Variants in C5orf34 observed in about 807,000 individuals in gnomAD.
C5orf34 encodes the protein uncharacterized protein C5orf34.
C5orf34 carries 73 observed loss-of-function variants against 78.4 expected under a neutral mutation model. The observed-to-expected ratio is 0.93, with a 90% CI of 0.77 to 1.13. The LOEUF is 1.13. C5orf34 is among the 50% of genes most tolerant of loss of function. The pLI, the probability that C5orf34 is intolerant of heterozygous loss-of-function variation, is 0.00. For synonymous variants in C5orf34, 251 were observed against 246.6 expected (o/e 1.02, Z -0.17); for missense variants, 730 against 732.7 (o/e 1.00, Z 0.04).
intron 12 of C5orf34, 42 bp from the exon 13 acceptor site, chr5:43,487,153 T>TA: frequency 1.0e-6 from 1 of 960,848 alleles, no homozygotes; most frequent in Non-Finnish European, 1.5e-6. Context: ...CATTTTTCAC[T>TA]ATATAAATAT....
intron 3 of C5orf34, among the ~76,000 whole-genome samples, chr5:43,507,904 C>T (rs1407456529): frequency 6.6e-6 from 1 of 151,966 alleles, no homozygotes; most frequent in African/African-American, 2.4e-5. Context: ...TGATGAAACC[C>T]CGTCTCTACT....
At chr5:43,495,897 C>G (rs1219213136) in intron 6 of C5orf34, 1 of 1,592,662 alleles carries the variant, frequency 6.3e-7, no homozygotes, top group African/African-American at 1.3e-5. Flanking sequence ...ACAAATGCTA[C>G]TGTGTCAGGG....
Position 43,505,967 on chromosome 5 carries a change from AC to A in C5orf34, c.712del (p.Val238SerfsTer20), listed in dbSNP as rs762451652. The A allele has an allele frequency of 1.2e-6, 2 of 1,614,100 alleles. No homozygotes were observed. Among genetic ancestry groups the A allele is most frequent in the South Asian group, 2.2e-5 (2 of 91,072 alleles). On this transcript the variant is annotated frameshift_variant, in exon 4 of 13. Coordinates refer to ENST00000306862, the MANE Select transcript of C5orf34 (RefSeq NM_198566.4). LOFTEE classifies it high-confidence loss of function. ...GGCAGCCACAGACCAGCACTGCTTG[AC>A]CCATGTGTATACACATGTGTGCTTT... ...GTKHTCVYTWVKQCWSVAACP... is the reference protein window; with the variant it reads ...GTKHTCVYTWXKQCWSVAACP...
intron 1 of C5orf34, among the ~76,000 whole-genome samples, chr5:43,510,585 CG>C (rs1232085186): frequency 1.3e-5 from 2 of 152,218 alleles, no homozygotes; most frequent in Non-Finnish European, 2.9e-5. Flanking sequence ...TGATTGCAGG[CG>C]CGCGCTGCCA....
intron 12 of C5orf34, among the ~76,000 whole-genome samples, chr5:43,487,685 G>A (rs982743285): frequency 2.0e-5 from 3 of 152,016 alleles, no homozygotes; most frequent in African/African-American, 7.2e-5. Flanking sequence ...CTAATTAACT[G>A]TTCTTTGCCC....
At chr5:43,494,862 A>G (rs1745432470) in intron 6 of C5orf34, among the ~76,000 whole-genome samples, 1 of 152,156 alleles carries the variant, frequency 6.6e-6, no homozygotes, top group African/African-American at 2.4e-5. Context: ...TACTGATTTT[A>G]AAAACTAATA....
chr5:43,503,517 T>C (rs1004606918), intron 5 of C5orf34, 148 bp downstream of exon 5: 15 of 711,146 alleles, frequency 2.1e-5, no homozygotes, highest in Admixed American at 4.7e-5. Flanking sequence ...TTGAGACCTG[T>C]AAAACTCAGG....
At chr5:43,510,773 C>T (rs944353794) in intron 1 of C5orf34, among the ~76,000 whole-genome samples, 26 of 152,204 alleles carry the variant, frequency 1.7e-4, no homozygotes, top group Non-Finnish European at 3.4e-4. Context: ...AGTGCAGTGG[C>T]GTGATCTCGG....
chr5:43,497,357 T>A (rs1389739236), intron 6 of C5orf34, among the ~76,000 whole-genome samples: 1 of 152,256 alleles, frequency 6.6e-6, no homozygotes, highest in Non-Finnish European at 1.5e-5. Flanking sequence ...TCACTTTACA[T>A]GGATTATCTC....
At chr5:43,497,600 T>G (rs937789535) in intron 6 of C5orf34, among the ~76,000 whole-genome samples, 1 of 152,184 alleles carries the variant, frequency 6.6e-6, no homozygotes, top group African/African-American at 2.4e-5. Flanking sequence ...TACAACCTTT[T>G]GTAAGCCTCA....
chr5:43,502,907 G>C (rs1745823797), intron 5 of C5orf34, among the ~76,000 whole-genome samples: 1 of 152,200 alleles, frequency 6.6e-6, no homozygotes, highest in South Asian at 2.1e-4. Context: ...GATAAGATTA[G>C]CCGTCTGCAC....
intron 12 of C5orf34, 79 bp downstream of exon 12, chr5:43,487,830 C>A: frequency 9.4e-7 from 1 of 1,062,452 alleles, no homozygotes; most frequent in South Asian, 1.4e-5. Context: ...TTAATATTCA[C>A]AAAGTACTGA....
intron 12 of C5orf34, among the ~76,000 whole-genome samples, chr5:43,487,477 T>C (rs1487210623): frequency 1.3e-5 from 2 of 152,146 alleles, no homozygotes; most frequent in African/African-American, 4.8e-5. Context: ...TAAAAAGATT[T>C]AGAGTGAAAA....
rs368045568 is a variant in C5orf34, at chr5:43,505,899, A to G, written c.781T>C (p.Phe261Leu). ...GACATATTGCTGATTTTATTATGAA[A>G]ATGAAGTGCTAAAGACAAAGGATAT... ...WKYPLSLALH[F>L]HNKISNMSKI... Residue 261 changes from phenylalanine (F) to leucine (L), a missense_variant, in exon 4 of 13, where the codon TTT becomes CTT. By Grantham distance (22) the Phe-to-Leu change is conservative. Coordinates refer to ENST00000306862, the MANE Select transcript of C5orf34 (RefSeq NM_198566.4). 1 of 1,613,992 alleles carries G rather than the reference A, an allele frequency of 6.2e-7. No homozygotes were observed. Among genetic ancestry groups the G allele is most frequent in the Non-Finnish European group, 8.5e-7 (1 of 1,179,874 alleles).
chr5:43,497,350 C>T (rs1745576000), intron 6 of C5orf34, among the ~76,000 whole-genome samples: 1 of 152,194 alleles, frequency 6.6e-6, no homozygotes, highest in African/African-American at 2.4e-5. Context: ...ATCCTACTCA[C>T]TTTACATGGA....
chr5:43,508,991 T>C (rs1746106886), intron 2 of C5orf34, among the ~76,000 whole-genome samples, 154 bp downstream of exon 2: 2 of 152,104 alleles, frequency 1.3e-5, no homozygotes, highest in Admixed American at 1.3e-4. Flanking sequence ...AGTAACTCCC[T>C]TGTAAAAGGA....
chr5:43,495,789 T>C, intron 6 of C5orf34: 2 of 1,576,776 alleles, frequency 1.3e-6, no homozygotes, highest in Non-Finnish European at 1.7e-6. Flanking sequence ...ATGGTGCCGC[T>C]GGCACTGCCA....
chr5:43,503,725 G>C lies in C5orf34; in HGVS notation c.968C>G (p.Ser323Cys). The change falls in exon 5 of 13, where the codon TCT becomes TGT. Residue 323 changes from serine to cysteine, a missense_variant. Ser to Cys is a moderately radical substitution (Grantham distance 112). Coordinates refer to ENST00000306862, the MANE Select transcript of C5orf34 (RefSeq NM_198566.4). ...TAGTTCAGGATAGGAATATTCATCA[G>C]ATTGTCTCTGTAAAAGTGAATCACA... ...NFCDSLLQRQ[S>C]DEYSYPELVK... 6.2e-7 allele frequency: 1 copy of C among 1,613,484 alleles called. No individual in the cohort carries two copies. Among genetic ancestry groups the C allele is most frequent in the Admixed American group, 1.7e-5 (1 of 60,018 alleles).
chr5:43,502,332 C>T (rs777403837), intron 6 of C5orf34, 40 bp downstream of exon 6: 26 of 1,604,754 alleles, frequency 1.6e-5, no homozygotes, highest in African/African-American at 4.0e-5. Flanking sequence ...AAGAGCTATA[C>T]AGCAAAACTC....
Sources: gnomAD v4.1 joint callset for allele counts (sites outside exome capture counted in the v4.1 genomes callset) on GRCh38, gnomAD v4.1.1 for gene constraint, MANE v1.5 for transcripts, NCBI Gene and HGNC (gene_info 2026-07-23, HGNC 2026-07-21) for gene names.